The following WDR41 variants were observed in gnomAD, a reference collection of about 807,000 sequenced individuals.
WDR41 encodes WD repeat domain 41.
WDR41 carries 63 observed loss-of-function variants against 69.3 expected under a neutral mutation model. The ratio of observed to expected loss-of-function variants is 0.91; its 90% CI spans 0.74 to 1.12. The LOEUF (loss-of-function observed/expected upper bound fraction) is 1.12, where lower values mean the gene tolerates loss of function less well. Among genes scored for constraint, WDR41 ranks in the 50% most tolerant of loss-of-function variants. The pLI is 0.00. For missense variants in WDR41, 543 were observed against 534.5 expected (o/e 1.02, Z -0.16); for synonymous variants, 185 against 192.1 (o/e 0.96, Z 0.31).
intron 1 of WDR41, chr5:77,546,268 GT>G: frequency 6.1e-6 from 2 of 330,568 alleles, no homozygotes; most frequent in East Asian, 4.8e-5. Flanking sequence ...ACAACATAGA[GT>G]TTTTATACAA....
upstream of WDR41, among the ~76,000 whole-genome samples, chr5:77,495,075 A>G (rs982630181): frequency 2.0e-5 from 3 of 152,164 alleles, no homozygotes; most frequent in African/African-American, 7.2e-5. Flanking sequence ...AAAAGAAATT[A>G]TAAAATACCT....
rs904969773 is a variant in WDR41, at chr5:77,432,210, G to A, written c.*925C>T. On this transcript the variant is annotated 3_prime_UTR_variant, in exon 13 of 13. Transcript: ENST00000296679. The stretch of plus-strand genomic sequence containing the variant: ...CTGTCACGTTGCCCTTTCTTCATCA[G>A]TAGTTTAAGAATTTCAATCTTTAAT... 3 of 152,194 alleles carry A rather than the reference G, an allele frequency of 2.0e-5. No individual in the cohort carries two copies. The highest frequency in any genetic ancestry group is 4.4e-5 in the Non-Finnish European group (3 of 68,030). 9.4% of individuals were successfully genotyped at this position (152,194 alleles called of 1,614,324 possible).
At chr5:77,546,850 T>G (rs1253862146) in intron 1 of WDR41, among the ~76,000 whole-genome samples, 1 of 152,056 alleles carries the variant, frequency 6.6e-6, no homozygotes, top group Non-Finnish European at 1.5e-5. Context: ...ATAGCCCTGA[T>G]GCACATGATG....
intron 1 of WDR41, among the ~76,000 whole-genome samples, chr5:77,547,684 T>C (rs1335434017): frequency 6.6e-6 from 1 of 152,076 alleles, no homozygotes; most frequent in Non-Finnish European, 1.5e-5. Context: ...GTAGAATCAA[T>C]ATTGTGAAAA....
rs77679367 is a variant in WDR41 at position 77,432,801 on chromosome 5, A to G, written c.*334T>C. On this transcript the variant is annotated 3_prime_UTR_variant, in exon 13 of 13. Transcript: ENST00000296679. ...ATTCTAAAGGAAGCCAAATAATAAA[A>G]CTTCTAATAAATGCCATAACTTAAC... 8,707 of 176,032 alleles carry G rather than the reference A, an allele frequency of 0.049. 768 individuals carry two copies. Among genetic ancestry groups the G allele is most frequent in the African/African-American group, 0.19 (7,969 of 42,542 alleles). The allele number at this position is 176,032 out of a possible 1,614,324, so 10.9% of individuals were successfully genotyped here.
In WDR41 at chr5:77,516,193, C is replaced by A. The variant is rs181201629; in HGVS notation, c.43-26621G>T. Among the ~76,000 whole-genome samples, 639 of 152,126 alleles carry A rather than the reference C, an allele frequency of 4.2e-3. 1 individual carries two copies. The highest frequency in any genetic ancestry group is 6.8e-3 in the Middle Eastern group (2 of 294). ...ACGTTCTTGTTAAGTTACTAGTAGG[C>A]AAAGAATAATTTATTGTTTTAATTT... On this transcript the variant is annotated intron_variant, in intron 1 of 5. Transcript: ENST00000509971.
chr5:77,464,064 T>C (rs192641509), intron 3 of WDR41, among the ~76,000 whole-genome samples: 2 of 152,164 alleles, frequency 1.3e-5, no homozygotes, highest in Admixed American at 1.3e-4. Flanking sequence ...AAGGCTTTTG[T>C]AATATTAAGT....
chr5:77,485,783 AT>A (rs1383423235), intron 2 of WDR41, among the ~76,000 whole-genome samples: 1 of 152,214 alleles, frequency 6.6e-6, no homozygotes, highest in African/African-American at 2.4e-5. Flanking sequence ...CTGTTAGGTT[AT>A]ACAGGATTTA....
intron 1 of WDR41, among the ~76,000 whole-genome samples, chr5:77,577,717 C>G (rs1214921648): frequency 1.3e-5 from 2 of 152,084 alleles, no homozygotes; most frequent in African/African-American, 4.8e-5. Flanking sequence ...AATAAGAAAG[C>G]TGGGAGAAGC....
chr5:77,619,934 G>A (rs1222490374), intron 1 of WDR41, among the ~76,000 whole-genome samples: 1 of 152,056 alleles, frequency 6.6e-6, no homozygotes, highest in Non-Finnish European at 1.5e-5. Context: ...TAAAGATGAT[G>A]TTTAAAGAGG....
chr5:77,564,767 T>C (rs1743589890), intron 1 of WDR41, among the ~76,000 whole-genome samples: 1 of 152,126 alleles, frequency 6.6e-6, no homozygotes. Flanking sequence ...TGTGCTGCAG[T>C]CTTCAGCTTC....
chr5:77,587,327 A>G (rs1580031203), intron 1 of WDR41, among the ~76,000 whole-genome samples: 2 of 152,288 alleles, frequency 1.3e-5, no homozygotes, highest in Non-Finnish European at 2.9e-5. Flanking sequence ...TTTTTGGTGC[A>G]TATGTATAAA....
chr5:77,592,058 T>A (rs952776413), intron 1 of WDR41, among the ~76,000 whole-genome samples: 4 of 152,156 alleles, frequency 2.6e-5, no homozygotes, highest in African/African-American at 9.6e-5. Flanking sequence ...ATTAAGAATA[T>A]GCAAATTTAG....
At chr5:77,535,202 T>C (rs1316150782) in intron 1 of WDR41, among the ~76,000 whole-genome samples, 1 of 152,126 alleles carries the variant, frequency 6.6e-6, no homozygotes, top group Non-Finnish European at 1.5e-5. Context: ...CCCCTTATGT[T>C]CTATGCTTGC....
chr5:77,585,951 A>G (rs1426866033), intron 1 of WDR41, among the ~76,000 whole-genome samples: 1 of 152,084 alleles, frequency 6.6e-6, no homozygotes, highest in African/African-American at 2.4e-5. Flanking sequence ...TACCACCTGT[A>G]CCCCAATAAC....
At chr5:77,478,510 G>A (rs950437249) in intron 2 of WDR41, among the ~76,000 whole-genome samples, 1 of 152,144 alleles carries the variant, frequency 6.6e-6, no homozygotes, top group Non-Finnish European at 1.5e-5. Flanking sequence ...GGGATGCAAG[G>A]CTGGTTCAAT....
At chr5:77,535,182 C>A (rs533547868) in intron 1 of WDR41, among the ~76,000 whole-genome samples, 5 of 152,184 alleles carry the variant, frequency 3.3e-5, no homozygotes, top group African/African-American at 9.6e-5. Context: ...ATTTCCTATC[C>A]TAAATTGCCC....
At chr5:77,503,845 C>T (rs573685467) in intron 1 of WDR41, among the ~76,000 whole-genome samples, 2 of 152,264 alleles carry the variant, frequency 1.3e-5, no homozygotes, top group African/African-American at 4.8e-5. Flanking sequence ...AAAGACACAA[C>T]ATACCGGACT....
intron 1 of WDR41, among the ~76,000 whole-genome samples, chr5:77,577,781 C>A (rs192549801): frequency 4.9e-4 from 74 of 152,238 alleles, no homozygotes; most frequent in Non-Finnish European, 4.3e-4. Flanking sequence ...TACAGGTGCT[C>A]CTCAACTTAT....
Sources: allele counts gnomAD v4.1 joint callset (sites outside exome capture counted in the v4.1 genomes callset), GRCh38; gene constraint gnomAD v4.1.1; transcripts MANE v1.5; gene names NCBI Gene and HGNC (gene_info 2026-07-23, HGNC 2026-07-21).